The following CDH18 variants were observed in gnomAD, a reference collection of about 807,000 sequenced individuals.
CDH18 encodes cadherin 18.
CDH18 carries 31 observed loss-of-function variants against 67.9 expected under a neutral mutation model. The observed-to-expected ratio is 0.46, with a 90% CI of 0.34 to 0.62. The LOEUF (loss-of-function observed/expected upper bound fraction) is 0.62. CDH18 is among the 20% of genes least tolerant of loss of function. CDH18 has a pLI of 0.01. For synonymous variants in CDH18, 362 were observed against 347.2 expected, an observed-to-expected ratio of 1.04 and a Z score of -0.48; for missense variants, 890 against 975.5, an observed-to-expected ratio of 0.91 and a Z score of 1.17.
At chr5:20,568,326 C>T (rs1327184605) in intron 1 of CDH18, among the ~76,000 whole-genome samples, 2 of 152,084 alleles carry the variant, frequency 1.3e-5, no homozygotes, top group Non-Finnish European at 2.9e-5. Context: ...TTTGGAAAAC[C>T]TTTAGTATTC....
intron 2 of CDH18, among the ~76,000 whole-genome samples, chr5:20,074,236 G>A (rs563382250): frequency 6.6e-6 from 1 of 152,142 alleles, no homozygotes; most frequent in African/African-American, 2.4e-5. Context: ...CATTTTGAAT[G>A]CCTGTTACCG....
rs980273735 is a variant in CDH18 at position 19,868,840 on chromosome 5, A to G, written c.-256-29598T>C. Among the ~76,000 whole-genome samples, 6 of 152,292 alleles carry G rather than the reference A, an allele frequency of 3.9e-5. No homozygotes were observed. The South Asian group carries it at 8.3e-4, about 21-fold the overall frequency. On this transcript the variant is annotated intron_variant, in intron 2 of 12. Transcript: ENST00000382275. ...GGTCCCAGCTCATGTCTGCACTGCA[A>G]GTGTGGGGAATGTGAAAGGGAAAAG...
intron 2 of CDH18, among the ~76,000 whole-genome samples, chr5:20,247,759 C>CAA (rs34347567): frequency 0.35 from 44,944 of 128,846 alleles, 7,317 homozygotes; most frequent in Admixed American, 0.39. Context: ...GCGAGACCAT[C>CAA]AAAAAAAAAA....
intron 2 of CDH18, among the ~76,000 whole-genome samples, chr5:20,210,213 T>C (rs1287571815): frequency 6.6e-6 from 1 of 151,898 alleles, no homozygotes; most frequent in Non-Finnish European, 1.5e-5. Context: ...GACAAGTAAC[T>C]GAGTTTTAAA....
intron 2 of CDH18, among the ~76,000 whole-genome samples, chr5:19,913,604 G>A (rs1791407197): frequency 6.6e-6 from 1 of 152,016 alleles, no homozygotes; most frequent in Non-Finnish European, 1.5e-5. Flanking sequence ...ATATCACGAG[G>A]TTAGGTGCAT....
chr5:20,041,199 C>T (rs1740393161), intron 2 of CDH18, among the ~76,000 whole-genome samples: 1 of 152,130 alleles, frequency 6.6e-6, no homozygotes. Context: ...TGATATCTTG[C>T]ATGTATAGTA....
chr5:20,310,539 A>G (rs1736888796), intron 1 of CDH18, among the ~76,000 whole-genome samples: 1 of 152,134 alleles, frequency 6.6e-6, no homozygotes, highest in Non-Finnish European at 1.5e-5. Flanking sequence ...TGGTCATGTG[A>G]CCTCAGGGTT....
At chr5:19,985,911 A>G (rs1209606129) in intron 1 of CDH18, among the ~76,000 whole-genome samples, 1 of 152,156 alleles carries the variant, frequency 6.6e-6, no homozygotes, top group Non-Finnish European at 1.5e-5. Context: ...GAAGTGTTAC[A>G]TGCATGTTTA....
Position 19,751,950 on chromosome 5 carries a change from C to A in CDH18, c.229-4714G>T, listed in dbSNP as rs62353610. On this transcript the variant is annotated intron_variant, in intron 3 of 12. Transcript: ENST00000382275. ...CAGGAATCCTGAGAGTACTCGCAGA[C>A]CCTCTGAAGGAAGCAGATTGCTCCT... Among the ~76,000 whole-genome samples the A allele has an allele frequency of 1.4e-4, 21 of 152,074 alleles. No homozygotes were observed. The Middle Eastern group carries it at 0.01, about 74-fold the overall frequency.
intron 2 of CDH18, among the ~76,000 whole-genome samples, chr5:20,099,653 A>G (rs983578886): frequency 3.9e-5 from 6 of 152,172 alleles, no homozygotes; most frequent in African/African-American, 1.4e-4. Flanking sequence ...TTTTTAACTG[A>G]AAGAATAATT....
intron 2 of CDH18, among the ~76,000 whole-genome samples, chr5:20,151,339 A>G (rs1580354217): frequency 1.3e-5 from 2 of 152,224 alleles, no homozygotes; most frequent in African/African-American, 4.8e-5. Context: ...TTATGGCTGC[A>G]TGGTATTCCA....
chr5:19,994,163 A>G (rs1211164826), intron 2 of CDH18, among the ~76,000 whole-genome samples: 1 of 152,132 alleles, frequency 6.6e-6, no homozygotes, highest in African/African-American at 2.4e-5. Context: ...AAACGGTATC[A>G]GCTTTGTCAA....
At chr5:19,842,098 G>C (rs1016177921) in intron 2 of CDH18, among the ~76,000 whole-genome samples, 3 of 152,186 alleles carry the variant, frequency 2.0e-5, no homozygotes, top group Non-Finnish European at 2.9e-5. Context: ...ACCAGTGATT[G>C]AGACCAATAC....
intron 2 of CDH18, among the ~76,000 whole-genome samples, chr5:20,004,799 C>T (rs1281534563): frequency 1.3e-5 from 2 of 152,126 alleles, no homozygotes; most frequent in African/African-American, 4.8e-5. Flanking sequence ...AGAGAAACAT[C>T]ACATGAATAT....
intron 1 of CDH18, chr5:20,304,066 T>G: frequency 6.2e-7 from 1 of 1,606,866 alleles, no homozygotes; most frequent in South Asian, 1.1e-5. Context: ...TTTTCTCCAG[T>G]AAAATTTTGT....
At chr5:19,664,303 A>C (rs1757607866) in intron 5 of CDH18, among the ~76,000 whole-genome samples, 1 of 151,918 alleles carries the variant, frequency 6.6e-6, no homozygotes, top group Admixed American at 6.6e-5. Flanking sequence ...TGTGAAACTC[A>C]AGATAAATTT....
intron 2 of CDH18, among the ~76,000 whole-genome samples, chr5:20,157,909 G>T (rs1008703904): frequency 6.6e-6 from 1 of 151,818 alleles, no homozygotes; most frequent in African/African-American, 2.4e-5. Flanking sequence ...CAAAGTGCTG[G>T]GATTACAGGC....
chr5:19,744,061 G>A (rs1343023686), intron 4 of CDH18, among the ~76,000 whole-genome samples: 1 of 149,762 alleles, frequency 6.7e-6, no homozygotes, highest in Non-Finnish European at 1.5e-5. Flanking sequence ...TCTATTATAT[G>A]TTATTACCAT....
chr5:19,987,253 A>AAC (rs10654722), intron 1 of CDH18, among the ~76,000 whole-genome samples: 11,840 of 144,366 alleles, frequency 0.082, 526 homozygotes, highest in Middle Eastern at 0.13. Flanking sequence ...CTGTACAGAC[A>AAC]ACACACACAC....
Sources: allele counts gnomAD v4.1 joint callset (sites outside exome capture counted in the v4.1 genomes callset), GRCh38; gene constraint gnomAD v4.1.1; transcripts MANE v1.5; gene names NCBI Gene and HGNC (gene_info 2026-07-23, HGNC 2026-07-21).